The following AAK1 variants were observed in gnomAD, a reference collection of about 807,000 sequenced individuals.
AAK1 encodes AP2-associated protein kinase 1.
In AAK1, 37 loss-of-function variants were observed where a neutral mutation model predicts 116.0. The ratio of observed to expected loss-of-function variants is 0.32; its 90% CI spans 0.25 to 0.42. The LOEUF (loss-of-function observed/expected upper bound fraction) is 0.42. AAK1 is among the 10% of genes least tolerant of loss of function. AAK1 has a pLI of 1.00. For synonymous variants in AAK1, 458 were observed against 439.9 expected (o/e 1.04, Z -0.51); for missense variants, 919 against 1,170.6 (o/e 0.79, Z 3.14).
chr2:69,495,996 G>C lies in AAK1; in HGVS notation c.2354C>G (p.Pro785Arg), dbSNP rs1306516917. ...VSDPFIPLQVPDAPEKLIEGL... is the reference protein window; with the variant it reads ...VSDPFIPLQVRDAPEKLIEGL... ...TTCTGTTCACCTACCTGGTGCATCA[G>C]GTACTTGAAGAGGAATGAAAGGATC... Residue 785 changes from proline to arginine, a missense_variant, in exon 17 of 22, where the codon CCT (proline) becomes CGT (arginine). By Grantham distance (103) the Pro-to-Arg change is moderately radical (BLOSUM62 -2). Around this residue, in one of 4 missense-constraint regions of AAK1, gnomAD observed 263 missense variants for 285.5 expected, o/e 0.92. Transcript: ENST00000409085. 1.3e-6 allele frequency: 2 copies of C among 1,553,258 alleles called. No homozygotes were observed. Among genetic ancestry groups the C allele is most frequent in the Non-Finnish European group, 1.7e-6 (2 of 1,147,908 alleles).
chr2:69,619,973 T>C (rs1163083731), intron 2 of AAK1, among the ~76,000 whole-genome samples: 1 of 152,238 alleles, frequency 6.6e-6, no homozygotes, highest in Non-Finnish European at 1.5e-5. Context: ...GGGGAATCAC[T>C]GGACGCTTCT....
chr2:69,471,408 A>C lies in AAK1; in HGVS notation c.*4461T>G. ...TTCAGAAACATTACTAATGTGGAAA[A>C]AGAAAAGGCTGACTTTGTGTTGATA... On this transcript the variant is annotated 3_prime_UTR_variant, in exon 22 of 22. Transcript: ENST00000409085. 1 of 985,470 alleles carries C rather than the reference A, an allele frequency of 1.0e-6. No individual in the cohort carries two copies. 61.0% of individuals were successfully genotyped at this position (985,470 alleles called of 1,614,324 possible).
rs938591353 is a variant in AAK1, at chr2:69,509,080, TAAAC to T, written c.2006+147_2006+150del. 3.0e-5 allele frequency: 20 copies of T among 675,704 alleles called. No homozygotes were observed. The South Asian group carries it at 3.0e-4, about 10-fold the overall frequency. 41.9% of individuals were successfully genotyped at this position (675,704 alleles called of 1,614,324 possible). On this transcript the variant is annotated intron_variant, in intron 14 of 21. Transcript: ENST00000409085. ...TGCAAGATGAAATGAGCCAGAAAAATAAACAAACCAGAAAAATAAACAAACACAA... is the reference window on the plus strand; with the variant it reads ...TGCAAGATGAAATGAGCCAGAAAAATAAACCAGAAAAATAAACAAACACAA...
At chr2:69,563,755 C>T (rs982624364) in intron 2 of AAK1, among the ~76,000 whole-genome samples, 3 of 152,142 alleles carry the variant, frequency 2.0e-5, no homozygotes, top group African/African-American at 7.2e-5. Context: ...AAGCAGAAAA[C>T]AAGCATAAAA....
Position 69,478,971 on chromosome 2 carries a change from A to G in AAK1, c.2660T>C (p.Ile887Thr). Residue 887 changes from isoleucine (I) to threonine (T), a missense_variant, in exon 20 of 22, where the codon ATC becomes ACC. Around this residue, in one of 4 missense-constraint regions of AAK1, gnomAD observed 263 missense variants for 285.5 expected, o/e 0.92. Coordinates refer to ENST00000409085, the MANE Select transcript of AAK1 (RefSeq NM_014911.5). ...TTTACCTTTATGGACTGGAGCAGAGATTGCTGTGGGGGCAAACTCTTCCAG... is the reference window on the plus strand; with the variant it reads ...TTTACCTTTATGGACTGGAGCAGAGGTTGCTGTGGGGGCAAACTCTTCCAG... Reference protein sequence around the residue: ...DLLEEFAPTAISAPVHKAAED... With the variant: ...DLLEEFAPTATSAPVHKAAED... 1 of 1,613,022 alleles carries G rather than the reference A, an allele frequency of 6.2e-7. No individual in the cohort carries two copies. Among genetic ancestry groups the G allele is most frequent in the Non-Finnish European group, 8.5e-7 (1 of 1,179,024 alleles).
chr2:69,583,263 A>G (rs960810059), intron 2 of AAK1, among the ~76,000 whole-genome samples: 5 of 152,228 alleles, frequency 3.3e-5, no homozygotes, highest in African/African-American at 1.2e-4. Flanking sequence ...CCGAAATTCT[A>G]TACAGGGATT....
intron 17 of AAK1, among the ~76,000 whole-genome samples, chr2:69,493,921 G>C (rs1329242386): frequency 6.6e-6 from 1 of 152,170 alleles, no homozygotes; most frequent in Non-Finnish European, 1.5e-5. Context: ...GAGGGGAACA[G>C]CGCTCTCAGC....
chr2:69,466,087 G>A lies in AAK1; in HGVS notation c.*9782C>T. 1 of 1,290,880 alleles carries A rather than the reference G, an allele frequency of 7.7e-7. No homozygotes were observed. Among genetic ancestry groups the A allele is most frequent in the Admixed American group, 2.3e-5 (1 of 43,550 alleles). 80.0% of individuals were successfully genotyped at this position (1,290,880 alleles called of 1,614,324 possible). A position where few individuals can be genotyped will look rare whatever the true frequency, so the allele number is the denominator to read the frequency against. On this transcript the variant is annotated 3_prime_UTR_variant, in exon 22 of 22. Coordinates refer to ENST00000409085, the MANE Select transcript of AAK1 (RefSeq NM_014911.5). ...GAGAAAATGTCCATGTCATCATTTG[G>A]AACCCTTGAGCTCCTGAAGGGAGCT...
At chr2:69,507,393 A>G (rs746188782) in intron 15 of AAK1, 28 bp downstream of exon 15, 26 of 1,604,874 alleles carry the variant, frequency 1.6e-5, no homozygotes, top group Non-Finnish European at 2.1e-5. Context: ...ATAATCAAGA[A>G]GCACAAAAAA....
intron 3 of AAK1, among the ~76,000 whole-genome samples, chr2:69,548,587 CTCTT>C (rs1347897788): frequency 2.6e-4 from 38 of 148,150 alleles, no homozygotes; most frequent in African/African-American, 6.5e-4. Flanking sequence ...CTCTCTCTCT[CTCTT>C]TTTCTTCCCC....
intron 13 of AAK1, 146 bp from the exon 14 acceptor site, chr2:69,509,606 C>T: frequency 1.5e-6 from 1 of 679,750 alleles, no homozygotes; most frequent in South Asian, 2.0e-5. Flanking sequence ...TCAATAATGC[C>T]CAGAAAGAAA....
intron 3 of AAK1, among the ~76,000 whole-genome samples, chr2:69,546,937 C>T (rs1340918263): frequency 2.0e-5 from 3 of 152,122 alleles, no homozygotes; most frequent in African/African-American, 7.2e-5. Context: ...AAGATCTTAC[C>T]TGTGAGGGAA....
chr2:69,589,229 T>C (rs1672919900), intron 2 of AAK1, among the ~76,000 whole-genome samples: 1 of 152,172 alleles, frequency 6.6e-6, no homozygotes, highest in African/African-American at 2.4e-5. Context: ...GGAAATAAAC[T>C]GAACAGAGTT....
chr2:69,566,774 T>C (rs144632480), intron 2 of AAK1, among the ~76,000 whole-genome samples: 82 of 152,266 alleles, frequency 5.4e-4, no homozygotes, highest in African/African-American at 1.9e-3. Context: ...AGAAATCAAG[T>C]TGGTTCACAT....
intron 17 of AAK1, among the ~76,000 whole-genome samples, chr2:69,488,449 AAG>A (rs1675389228): frequency 6.6e-6 from 1 of 152,174 alleles, no homozygotes; most frequent in South Asian, 2.1e-4. Flanking sequence ...TAAAGAGTAA[AAG>A]AGCCTGAATT....
Position 69,532,101 on chromosome 2 carries a change from G to C in AAK1, c.596C>G (p.Thr199Ser). 1.9e-6 allele frequency: 3 copies of C among 1,613,646 alleles called. No individual in the cohort carries two copies. Among genetic ancestry groups the C allele is most frequent in the Non-Finnish European group, 2.5e-6 (3 of 1,179,662 alleles). Residue 199 changes from threonine to serine, a missense_variant, in exon 6 of 22, where the codon ACC becomes AGC. Physicochemically the swap from Thr to Ser is moderately conservative, Grantham distance 58 (BLOSUM62 1). Transcript: ENST00000409085. The part of the protein sequence containing the change: ...HYVLCDFGSA[T>S]NKFQNPQTEG... ...AGTTTGTGGATTCTGGAATTTGTTG[G>C]TGGCGCTTCCAAAGTCACACAGGAC...
chr2:69,509,599 A>G (rs1217626388), intron 13 of AAK1, 139 bp from the exon 14 acceptor site: 4 of 702,966 alleles, frequency 5.7e-6, no homozygotes, highest in Non-Finnish European at 9.4e-6. Context: ...AAGTTTATCA[A>G]TAATGCCCAG....
intron 2 of AAK1, among the ~76,000 whole-genome samples, chr2:69,574,538 T>C (rs1672221381): frequency 6.6e-6 from 1 of 150,588 alleles, no homozygotes; most frequent in Non-Finnish European, 1.5e-5. Context: ...CACCTGTGAA[T>C]AGCCACTGCA....
chr2:69,528,668 G>A (rs1161707846), intron 8 of AAK1, among the ~76,000 whole-genome samples: 1 of 152,110 alleles, frequency 6.6e-6, no homozygotes, highest in Non-Finnish European at 1.5e-5. Flanking sequence ...AAAGAAGGAA[G>A]GAGGGCTAAT....
Sources: gnomAD v4.1 joint callset for allele counts (sites outside exome capture counted in the v4.1 genomes callset) on GRCh38, gnomAD v4.1.1 for gene constraint, gnomAD v4.1.1 regional missense constraint, MANE v1.5 for transcripts, NCBI Gene and HGNC (gene_info 2026-07-23, HGNC 2026-07-21) for gene names.